The following DPH6 variants were observed in gnomAD, a reference collection of about 807,000 sequenced individuals.
DPH6 encodes diphthamine biosynthesis 6, also known as diphthine--ammonia ligase.
Under a neutral mutation model 38.2 loss-of-function variants are expected in DPH6, and 33 were observed. That is an observed-to-expected ratio of 0.86 (90% CI 0.65 to 1.15). The LOEUF (loss-of-function observed/expected upper bound fraction) is 1.15. Among genes scored for constraint, DPH6 ranks in the 50% most tolerant of loss-of-function variants. The pLI, the probability that DPH6 is intolerant of heterozygous loss-of-function variation, is 0.00. For missense variants in DPH6, 325 were observed against 320.0 expected, an observed-to-expected ratio of 1.02 and a Z score of -0.12; for synonymous variants, 108 against 103.0, an observed-to-expected ratio of 1.05 and a Z score of -0.30.
chr15:35,305,190 C>T (rs561048798), intron 3 of DPH6, among the ~76,000 whole-genome samples: 27 of 152,230 alleles, frequency 1.8e-4, no homozygotes, highest in African/African-American at 6.5e-4. Context: ...GTTGGTTCTA[C>T]TATAGATGAT....
intron 3 of DPH6, among the ~76,000 whole-genome samples, chr15:35,307,158 G>C (rs937026542): frequency 3.3e-5 from 5 of 152,086 alleles, no homozygotes; most frequent in African/African-American, 1.2e-4. Context: ...CCACACAGTA[G>C]AGAAACTGGG....
At chr15:35,254,795 C>T (rs923946780) in intron 3 of DPH6, among the ~76,000 whole-genome samples, 1 of 151,052 alleles carries the variant, frequency 6.6e-6, no homozygotes, top group Non-Finnish European at 1.5e-5. Flanking sequence ...GGGGTGGGGC[C>T]GTTTTATAGG....
chr15:35,276,151 A>G (rs2051857935), intron 3 of DPH6, among the ~76,000 whole-genome samples: 1 of 152,126 alleles, frequency 6.6e-6, no homozygotes, highest in South Asian at 2.1e-4. Flanking sequence ...TTGTAGGACT[A>G]AGGTGGTTTT....
chr15:35,229,665 G>A (rs2140391452), intron 3 of DPH6, among the ~76,000 whole-genome samples: 1 of 152,180 alleles, frequency 6.6e-6, no homozygotes, highest in African/African-American at 2.4e-5. Flanking sequence ...CATAGTCCAG[G>A]CTTGTTTGTA....
chr15:35,168,234 C>A, the DPH6 span, among the ~76,000 whole-genome samples: 1 of 151,840 alleles, frequency 6.6e-6, no homozygotes, highest in African/African-American at 2.4e-5. Context: ...TGGCTGAAAC[C>A]TTTGACTTCC....
chr15:35,447,310 T>C lies in DPH6; in HGVS notation c.505+3375A>G, dbSNP rs190221403. On this transcript the variant is annotated intron_variant, in intron 5 of 8. Transcript: ENST00000256538. Reference sequence around the variant, plus strand: ...TAGCAAGAATGGAGTAGCTTGGTATTTACCACGGAGAGATACCAAATACCT... The same window carrying C: ...TAGCAAGAATGGAGTAGCTTGGTATCTACCACGGAGAGATACCAAATACCT... 1.3e-3 allele frequency among the ~76,000 whole-genome samples: 193 copies of C among 152,252 alleles called. 2 individuals carry two copies. The highest frequency in any genetic ancestry group is 9.5e-3 in the Admixed American group (146 of 15,296).
intron 4 of DPH6, among the ~76,000 whole-genome samples, chr15:35,454,505 CTCAAT>C (rs767465650): frequency 1.1e-4 from 17 of 151,964 alleles, no homozygotes; most frequent in Non-Finnish European, 2.2e-4. Context: ...AAAAATCTGT[CTCAAT>C]TCTATTATAG....
chr15:35,542,315 CT>C (rs917265898), intron 2 of DPH6, 97 bp downstream of exon 2: 323 of 971,542 alleles, frequency 3.3e-4, no homozygotes, highest in South Asian at 6.6e-4. Flanking sequence ...TTTATTGGTT[CT>C]TTTTTTTTCA....
At chr15:35,289,505 C>T (rs1274810366) in intron 3 of DPH6, among the ~76,000 whole-genome samples, 1 of 152,032 alleles carries the variant, frequency 6.6e-6, no homozygotes, top group Non-Finnish European at 1.5e-5. Flanking sequence ...TTAAAAGGCT[C>T]ACCAGAAAAC....
intron 3 of DPH6, among the ~76,000 whole-genome samples, chr15:35,481,886 A>G (rs1042551467): frequency 1.3e-5 from 2 of 152,248 alleles, no homozygotes; most frequent in African/African-American, 4.8e-5. Context: ...TCAATATGGT[A>G]GATTTATTAT....
intron 3 of DPH6, among the ~76,000 whole-genome samples, chr15:35,276,563 T>C (rs1013717730): frequency 1.3e-5 from 2 of 152,244 alleles, no homozygotes. Flanking sequence ...TTTTATAGTT[T>C]CAAGTCTTAG....
the DPH6 span, among the ~76,000 whole-genome samples, chr15:35,165,162 G>GT: frequency 6.6e-6 from 1 of 151,848 alleles, no homozygotes; most frequent in African/African-American, 2.4e-5. Context: ...CATGAACTGA[G>GT]TTGAGCTCTC....
At chr15:35,432,118 T>A (rs1359585877) in intron 5 of DPH6, among the ~76,000 whole-genome samples, 1 of 152,180 alleles carries the variant, frequency 6.6e-6, no homozygotes, top group Non-Finnish European at 1.5e-5. Flanking sequence ...ACCACTGATG[T>A]AATGCTATAA....
chr15:35,543,001 A>C (rs1355126752), intron 1 of DPH6, among the ~76,000 whole-genome samples: 2 of 129,996 alleles, frequency 1.5e-5, no homozygotes, highest in Non-Finnish European at 3.2e-5. Context: ...GAAAAAAAAA[A>C]CTATTCTCTA....
At chr15:35,184,918 G>A in the DPH6 span, among the ~76,000 whole-genome samples, 2 of 152,114 alleles carry the variant, frequency 1.3e-5, no homozygotes, top group South Asian at 4.1e-4. Flanking sequence ...CTCTAGCAGA[G>A]GTTTTAAAGA....
chr15:35,488,982 G>GAA lies in DPH6; in HGVS notation c.313-34164_313-34163dup, dbSNP rs112457181. Among the ~76,000 whole-genome samples the GAA allele has an allele frequency of 2.9e-4, 43 of 146,460 alleles. 1 individual carries two copies. The highest frequency in any genetic ancestry group is 7.2e-4 in the African/African-American group (29 of 40,500). On this transcript the variant is annotated intron_variant, in intron 3 of 8. Transcript: ENST00000256538. ...AATGTAGTAAATACATTTTTGCCAG[G>GAA]AAAAAAAAAAATGCTGAACAGATAA...
At chr15:35,155,623 T>G in the DPH6 span, among the ~76,000 whole-genome samples, 2 of 152,232 alleles carry the variant, frequency 1.3e-5, no homozygotes, top group Non-Finnish European at 2.9e-5. Flanking sequence ...GCTGTCCTTA[T>G]GTGAAACACA....
At chr15:35,533,061 C>T (rs1034647061) in intron 3 of DPH6, among the ~76,000 whole-genome samples, 4 of 150,588 alleles carry the variant, frequency 2.7e-5, no homozygotes, top group African/African-American at 7.3e-5. Context: ...GAGCTGAGAT[C>T]GTGCCATTGT....
chr15:35,204,629 T>G, the DPH6 span, among the ~76,000 whole-genome samples: 1 of 151,726 alleles, frequency 6.6e-6, no homozygotes, highest in African/African-American at 2.4e-5. Flanking sequence ...ATAAGAACTT[T>G]CATGAGAAAA....
Sources: allele counts gnomAD v4.1 joint callset (sites outside exome capture counted in the v4.1 genomes callset), GRCh38; gene constraint gnomAD v4.1.1; transcripts MANE v1.5; gene names NCBI Gene and HGNC (gene_info 2026-07-23, HGNC 2026-07-21).